POLQ: variants seen among roughly 807,000 people sequenced by gnomAD.
POLQ encodes the protein epididymis secretory sperm binding protein.
In POLQ, 233 loss-of-function variants were observed where a neutral mutation model predicts 259.2. The observed-to-expected ratio is 0.90, with a 90% CI of 0.81 to 1.00. The LOEUF is 1.00. Ranked by LOEUF, POLQ falls within the 50% of genes least tolerant of loss-of-function variation. The pLI, the probability that POLQ is intolerant of heterozygous loss-of-function variation, is 0.00. For missense variants in POLQ, 2,871 were observed against 3,051.6 expected, an observed-to-expected ratio of 0.94 and a Z score of 1.39; for synonymous variants, 1,025 against 1,048.8, an observed-to-expected ratio of 0.98 and a Z score of 0.44.
At chr3:121,516,652 CATCCT>C (rs1396972764) in intron 9 of POLQ, among the ~76,000 whole-genome samples, 1 of 152,188 alleles carries the variant, frequency 6.6e-6, no homozygotes, top group East Asian at 1.9e-4. Flanking sequence ...CAAGCACCAT[CATCCT>C]ATACTAGAAG....
At chr3:121,517,945 A>G (rs888010356) in intron 9 of POLQ, among the ~76,000 whole-genome samples, 2 of 152,206 alleles carry the variant, frequency 1.3e-5, no homozygotes, top group African/African-American at 4.8e-5. Flanking sequence ...CAGTGAATTT[A>G]TATTCTAACT....
intron 5 of POLQ, among the ~76,000 whole-genome samples, chr3:121,534,247 A>C (rs2048433815): frequency 6.6e-6 from 1 of 151,280 alleles, no homozygotes. Flanking sequence ...CATTTGTAGA[A>C]TTTTTAAATG....
chr3:121,443,183 T>C (rs955973728), intron 26 of POLQ, among the ~76,000 whole-genome samples: 1 of 152,152 alleles, frequency 6.6e-6, no homozygotes, highest in Non-Finnish European at 1.5e-5. Context: ...ACCTCCAAAC[T>C]GTTCTCCACA....
At chr3:121,526,895 G>A (rs116368762) in intron 7 of POLQ, among the ~76,000 whole-genome samples, 2,207 of 152,030 alleles carry the variant, frequency 0.015, 59 homozygotes, top group African/African-American at 0.05. Flanking sequence ...GTGTGTGCGC[G>A]CGCGCACGCA....
chr3:121,509,922 C>T (rs1000825877), intron 11 of POLQ, 117 bp downstream of exon 11: 3 of 952,796 alleles, frequency 3.1e-6, no homozygotes, highest in Non-Finnish European at 4.8e-6. Context: ...ATACACTGCT[C>T]AAAAAATCAA....
In POLQ at chr3:121,488,919, CA is replaced by C; in HGVS notation, c.4011del (p.Glu1338LysfsTer5). 1 of 1,614,152 alleles carries C rather than the reference CA, an allele frequency of 6.2e-7. No individual in the cohort carries two copies. Among genetic ancestry groups the C allele is most frequent in the Non-Finnish European group, 8.5e-7 (1 of 1,180,006 alleles). The part of the protein sequence containing the change: ...QSEKIIQQMA[T>X]ENAKLGAKDT... The stretch of plus-strand genomic sequence containing the variant: ...TCCTTTGCTCCTAGTTTGGCATTTT[CA>C]GTTGCCATCTGTTGTATTATTTTCT... On this transcript the variant is annotated frameshift_variant, in exon 16 of 30. Coordinates refer to ENST00000264233, the MANE Select transcript of POLQ (RefSeq NM_199420.4). LOFTEE classifies it high-confidence loss of function.
chr3:121,454,989 A>T (rs1393768628), intron 25 of POLQ, among the ~76,000 whole-genome samples: 3 of 151,968 alleles, frequency 2.0e-5, no homozygotes, highest in African/African-American at 4.8e-5. Flanking sequence ...GAAGTATAGC[A>T]CTCCTCAGCA....
At chr3:121,538,585 CAAA>C (rs34448538) in intron 4 of POLQ, among the ~76,000 whole-genome samples, 29 of 96,970 alleles carry the variant, frequency 3.0e-4, no homozygotes, top group African/African-American at 2.7e-4. Flanking sequence ...ATTCATTCAC[CAAA>C]AAAAAAAAAA....
Position 121,545,960 on chromosome 3 carries a change from C to T in POLQ, c.-83G>A. 6.8e-7 allele frequency: 1 copy of T among 1,477,060 alleles called. No individual in the cohort carries two copies. The highest frequency in any genetic ancestry group is 9.2e-7 in the Non-Finnish European group (1 of 1,081,976). 91.5% of individuals were successfully genotyped at this position (1,477,060 alleles called of 1,614,324 possible). A position where few individuals can be genotyped will look rare whatever the true frequency, so the allele number is the denominator to read the frequency against. On this transcript the variant is annotated 5_prime_UTR_variant, in exon 1 of 30. Coordinates refer to ENST00000264233, the MANE Select transcript of POLQ (RefSeq NM_199420.4). ...GAGAACCCTGGCCTGGCAACAGCTGCGGACATCTTCCCGCCAGTCTTCAAA... is the reference window on the plus strand; with the variant it reads ...GAGAACCCTGGCCTGGCAACAGCTGTGGACATCTTCCCGCCAGTCTTCAAA...
At chr3:121,497,258 A>T (rs917364446) in intron 13 of POLQ, among the ~76,000 whole-genome samples, 1 of 152,222 alleles carries the variant, frequency 6.6e-6, no homozygotes, top group Non-Finnish European at 1.5e-5. Context: ...CTTGATATAC[A>T]GCTACATGTA....
chr3:121,455,257 C>G (rs1276205341), intron 25 of POLQ, among the ~76,000 whole-genome samples: 36 of 143,668 alleles, frequency 2.5e-4, no homozygotes, highest in African/African-American at 9.4e-4. Flanking sequence ...ATTTATAGCA[C>G]TAAATGCCCA....
At position 121,489,230 on chromosome 3, in the gene POLQ, G is replaced by GT; in HGVS notation, c.3700dup (p.Thr1234AsnfsTer5). ...AAGCTTTATCCTTTCACAATTGATA[G>GT]TAACATTTGAGTCTCTATTTATGTA... On this transcript the variant is annotated frameshift_variant, in exon 16 of 30. Transcript: ENST00000264233. LOFTEE classifies it high-confidence loss of function. The GT allele has an allele frequency of 6.2e-7, 1 of 1,611,636 alleles. No homozygotes were observed. The highest frequency in any genetic ancestry group is 8.5e-7 in the Non-Finnish European group (1 of 1,178,838).
At chr3:121,479,361 A>AATGTGT (rs2047952851) in intron 19 of POLQ, among the ~76,000 whole-genome samples, 1 of 71,712 alleles carries the variant, frequency 1.4e-5, no homozygotes, top group East Asian at 8.7e-4. Flanking sequence ...AAAAAAAAAA[A>AATGTGT]ATGTGTGTGT....
At chr3:121,434,848 G>C (rs545954846) in intron 28 of POLQ, among the ~76,000 whole-genome samples, 1 of 151,986 alleles carries the variant, frequency 6.6e-6, no homozygotes, top group African/African-American at 2.4e-5. Context: ...TTTCTTCCCA[G>C]GAAAATTTAA....
chr3:121,467,662 C>T, intron 23 of POLQ, 22 bp from the exon 24 acceptor site: 1 of 1,611,006 alleles, frequency 6.2e-7, no homozygotes, highest in Non-Finnish European at 8.5e-7. Flanking sequence ...ACAACATCAT[C>T]AGTTAGACAT....
rs958746294 is a variant in POLQ, at chr3:121,467,783, G to A, written c.6846-143C>T. The A allele has an allele frequency of 6.4e-6, 5 of 785,172 alleles. No individual in the cohort carries two copies. In the African/African-American group the frequency reaches 8.8e-5, roughly 14 times the overall value. 48.6% of individuals were successfully genotyped at this position (785,172 alleles called of 1,614,324 possible). A position where few individuals can be genotyped will look rare whatever the true frequency, so the allele number is the denominator to read the frequency against. The stretch of plus-strand genomic sequence containing the variant: ...GGGCTGGGTGTGGTAGCTCACACCT[G>A]TAATACCAGCACTTTGGGAAGCCGA... On this transcript the variant is annotated intron_variant, in intron 23 of 29. Coordinates refer to ENST00000264233, the MANE Select transcript of POLQ (RefSeq NM_199420.4).
intron 12 of POLQ, among the ~76,000 whole-genome samples, chr3:121,503,776 AC>A (rs1222629390): frequency 2.0e-5 from 3 of 152,212 alleles, no homozygotes; most frequent in Admixed American, 1.3e-4. Context: ...AATACCTAAT[AC>A]CACATAAATA....
chr3:121,500,366 C>T (rs772686789), intron 12 of POLQ, among the ~76,000 whole-genome samples: 1 of 149,282 alleles, frequency 6.7e-6, no homozygotes, highest in Admixed American at 6.7e-5. Context: ...ACTCAAATAA[C>T]ACTCCTGCCT....
At chr3:121,475,986 G>C (rs1279927993) in intron 20 of POLQ, among the ~76,000 whole-genome samples, 1 of 150,852 alleles carries the variant, frequency 6.6e-6, no homozygotes, top group Non-Finnish European at 1.5e-5. Context: ...ACATGAATAA[G>C]AGAAACCAAG....
Sources: allele counts gnomAD v4.1 joint callset (sites outside exome capture counted in the v4.1 genomes callset), GRCh38; gene constraint gnomAD v4.1.1; transcripts MANE v1.5; gene names NCBI Gene and HGNC (gene_info 2026-07-23, HGNC 2026-07-21).